FBLN1: variants seen among roughly 807,000 people sequenced by gnomAD.
FBLN1 encodes fibulin-1.
FBLN1 carries 34 observed loss-of-function variants against 89.7 expected under a neutral mutation model. The observed-to-expected ratio is 0.38, with a 90% CI of 0.29 to 0.50. The LOEUF (loss-of-function observed/expected upper bound fraction) is 0.50, where lower values mean the gene tolerates loss of function less well. FBLN1 is among the 20% of genes least tolerant of loss of function. The pLI, the probability that FBLN1 is intolerant of heterozygous loss-of-function variation, is 0.92. For missense variants in FBLN1, 777 were observed against 988.1 expected, an observed-to-expected ratio of 0.79 and a Z score of 2.86; for synonymous variants, 393 against 391.3, an observed-to-expected ratio of 1.00 and a Z score of -0.05.
rs2089037001 is a variant in FBLN1, at chr22:45,580,928, C to G, written c.1972+3820C>G. Among the ~76,000 whole-genome samples, 1 of 152,218 alleles carries G rather than the reference C, an allele frequency of 6.6e-6. No homozygotes were observed. The highest frequency in any genetic ancestry group is 6.5e-5 in the Admixed American group (1 of 15,284). On this transcript the variant is annotated intron_variant, in intron 16 of 16. Coordinates refer to ENST00000327858, the MANE Select transcript of FBLN1 (RefSeq NM_006486.3). The surrounding 1 kb of genome is among the most constrained non-coding windows in gnomAD (Gnocchi z 8.6). Reference sequence around the variant, plus strand: ...CCCGCGCCGTCGTCTTTGTAAAGCCCCCTTGCATTCCTCTTTAACCGGCTG... The same window carrying G: ...CCCGCGCCGTCGTCTTTGTAAAGCCGCCTTGCATTCCTCTTTAACCGGCTG...
At chr22:45,535,676 G>A in intron 8 of FBLN1, 1 of 294,798 alleles carries the variant, frequency 3.4e-6, no homozygotes, top group Non-Finnish European at 6.5e-6. Context: ...TCTGGGTTTA[G>A]ATTAAAGAGC....
At chr22:45,559,000 G>A (rs117541557) in intron 14 of FBLN1, among the ~76,000 whole-genome samples, 4,359 of 152,246 alleles carry the variant, frequency 0.029, 86 homozygotes, top group South Asian at 0.076. Context: ...ATGCGATCAA[G>A]GTCTCTCCGA....
intron 14 of FBLN1, among the ~76,000 whole-genome samples, chr22:45,560,336 C>T (rs1202051688): frequency 6.6e-6 from 1 of 152,324 alleles, no homozygotes; most frequent in South Asian, 2.1e-4. Context: ...GCAGGTGCTG[C>T]CCTCACAAAT....
chr22:45,598,547 C>G (rs898156717), intron 16 of FBLN1, among the ~76,000 whole-genome samples: 2 of 152,210 alleles, frequency 1.3e-5, no homozygotes, highest in Non-Finnish European at 2.9e-5. Flanking sequence ...GGAGGGGTGC[C>G]TCTTCCAAGA....
chr22:45,508,832 C>T (rs1406180163), intron 1 of FBLN1, among the ~76,000 whole-genome samples: 8 of 152,142 alleles, frequency 5.3e-5, no homozygotes. Context: ...GGCATGGGGG[C>T]AGGAGGCAGA....
At chr22:45,525,119 GAGAA>G (rs1569239277) in intron 2 of FBLN1, among the ~76,000 whole-genome samples, 2 of 123,230 alleles carry the variant, frequency 1.6e-5, no homozygotes, top group African/African-American at 3.4e-5. Flanking sequence ...GAGAGAGAGA[GAGAA>G]AGAAAAACAG....
rs1031399215 is a variant in FBLN1 at position 45,597,699 on chromosome 22, C to T, written c.1973-2608C>T. 2.0e-5 allele frequency among the ~76,000 whole-genome samples: 3 copies of T among 152,146 alleles called. No homozygotes were observed. Among genetic ancestry groups the T allele is most frequent in the African/African-American group, 7.2e-5 (3 of 41,418 alleles). On this transcript the variant is annotated intron_variant, in intron 16 of 16. Coordinates refer to ENST00000327858, the MANE Select transcript of FBLN1 (RefSeq NM_006486.3). The surrounding 1 kb of genome is among the most constrained non-coding windows in gnomAD (Gnocchi z 4.2). ...TCTTTTGCCGGGAGCTGAAGACGTT[C>T]ATGGGCTTTCAAGCAGGACAAAGCT...
intron 14 of FBLN1, among the ~76,000 whole-genome samples, chr22:45,569,878 C>G (rs1602216911): frequency 6.6e-6 from 1 of 152,084 alleles, no homozygotes; most frequent in Non-Finnish European, 1.5e-5. Flanking sequence ...GTATAGCAAA[C>G]AAATGCACAG....
chr22:45,535,099 G>C, intron 7 of FBLN1, 101 bp from the exon 8 acceptor site: 1 of 1,332,404 alleles, frequency 7.5e-7, no homozygotes, highest in Non-Finnish European at 1.1e-6. Flanking sequence ...TATAGTCTGA[G>C]TAATGCGCAT....
At chr22:45,552,728 ATCCCGGCG>A (rs1427372174) in intron 14 of FBLN1, among the ~76,000 whole-genome samples, 1 of 152,110 alleles carries the variant, frequency 6.6e-6, no homozygotes, top group African/African-American at 2.4e-5. Flanking sequence ...TCTGGGGAAC[ATCCCGGCG>A]GCCGAGGGCT....
chr22:45,589,744 C>T (rs1277110389), intron 16 of FBLN1, among the ~76,000 whole-genome samples: 1 of 152,144 alleles, frequency 6.6e-6, no homozygotes, highest in Non-Finnish European at 1.5e-5. Context: ...AGCCTCTCCC[C>T]TAGCCCTCCC....
intron 11 of FBLN1, among the ~76,000 whole-genome samples, chr22:45,546,069 G>A (rs1241082000): frequency 5.3e-5 from 8 of 152,068 alleles, no homozygotes; most frequent in Non-Finnish European, 8.8e-5. Context: ...AGAACTGCTT[G>A]AATTCATGTC....
At chr22:45,508,541 G>A (rs1258472094) in intron 1 of FBLN1, among the ~76,000 whole-genome samples, 2 of 152,132 alleles carry the variant, frequency 1.3e-5, no homozygotes, top group African/African-American at 2.4e-5. Flanking sequence ...AATTACAGGC[G>A]TGAGCCACCG....
At chr22:45,509,079 G>A (rs116700705) in intron 1 of FBLN1, among the ~76,000 whole-genome samples, 6 of 152,308 alleles carry the variant, frequency 3.9e-5, no homozygotes, top group African/African-American at 7.2e-5. Context: ...GAGAGCAAGC[G>A]TCCTGGGACC....
intron 1 of FBLN1, among the ~76,000 whole-genome samples, chr22:45,516,141 AGGGCATGGGAGGT>A (rs1380497681): frequency 6.6e-6 from 1 of 152,168 alleles, no homozygotes; most frequent in Non-Finnish European, 1.5e-5. Context: ...AGAGGGTGAC[AGGGCATGGGAGGT>A]GGGCTAGGAT....
At chr22:45,573,035 C>T (rs112065580) in intron 14 of FBLN1, among the ~76,000 whole-genome samples, 2 of 151,540 alleles carry the variant, frequency 1.3e-5, no homozygotes, top group African/African-American at 4.8e-5. Context: ...AAGACCAGCC[C>T]GACCAACATG....
rs1180202393 is a variant in FBLN1, at chr22:45,583,798, G to A, written c.1972+6690G>A. Among the ~76,000 whole-genome samples, 2 of 152,084 alleles carry A rather than the reference G, an allele frequency of 1.3e-5. No individual in the cohort carries two copies. Among genetic ancestry groups the A allele is most frequent in the East Asian group, 3.9e-4 (2 of 5,180 alleles). On this transcript the variant is annotated intron_variant, in intron 16 of 16. Coordinates refer to ENST00000327858, the MANE Select transcript of FBLN1 (RefSeq NM_006486.3). This position sits in a 1 kb window ranked among gnomAD's most constrained non-coding sequence, Gnocchi z 4.5. ...AAGCGCCTGCAGCATGAGAGAGAGAGAGAATGAGAGAGAGAGACAGAGAGA... is the reference window on the plus strand; with the variant it reads ...AAGCGCCTGCAGCATGAGAGAGAGAAAGAATGAGAGAGAGAGACAGAGAGA...
intron 14 of FBLN1, among the ~76,000 whole-genome samples, chr22:45,555,033 A>G (rs2088762512): frequency 6.6e-6 from 1 of 151,596 alleles, no homozygotes; most frequent in East Asian, 1.9e-4. Context: ...TCTCCACCGC[A>G]GGAGGTTAGG....
At position 45,590,711 on chromosome 22, in the gene FBLN1, T is replaced by C. The variant is rs553125438; in HGVS notation, c.1973-9596T>C. Among the ~76,000 whole-genome samples the C allele has an allele frequency of 1.3e-5, 2 of 152,094 alleles. No individual in the cohort carries two copies. The highest frequency in any genetic ancestry group is 4.8e-5 in the African/African-American group (2 of 41,510). On this transcript the variant is annotated intron_variant, in intron 16 of 16. Transcript: ENST00000327858. The surrounding 1 kb of genome is among the most constrained non-coding windows in gnomAD (Gnocchi z 4.1). ...TGGAGACCTTTAGGAATAGAATCCA[T>C]TGGCCTCAGTGATGGTTTAACCTGA...
Sources: allele counts gnomAD v4.1 joint callset (sites outside exome capture counted in the v4.1 genomes callset), GRCh38; gene constraint gnomAD v4.1.1; non-coding constraint Gnocchi (gnomAD v3.1); transcripts MANE v1.5; gene names NCBI Gene and HGNC (gene_info 2026-07-23, HGNC 2026-07-21).